Variants in GRIP1 observed in about 807,000 individuals in gnomAD.
The protein encoded by GRIP1 is glutamate receptor interacting protein 1.
GRIP1 carries 45 observed loss-of-function variants against 129.9 expected under a neutral mutation model. The ratio of observed to expected loss-of-function variants is 0.35; its 90% CI spans 0.27 to 0.44. GRIP1 has a LOEUF of 0.44. GRIP1 is among the 20% of genes least tolerant of loss of function. The pLI is 1.00. For synonymous variants in GRIP1, 530 were observed against 520.8 expected (o/e 1.02, Z -0.24); for missense variants, 1,196 against 1,396.8 (o/e 0.86, Z 2.29).
intron 1 of GRIP1, among the ~76,000 whole-genome samples, chr12:66,711,542 T>C (rs900148895): frequency 1.3e-5 from 2 of 151,822 alleles, no homozygotes; most frequent in African/African-American, 2.4e-5. Flanking sequence ...TGCTCTTAGA[T>C]ATTAAAAAGC....
chr12:66,455,928 T>A (rs928763284), intron 10 of GRIP1, among the ~76,000 whole-genome samples: 10 of 152,252 alleles, frequency 6.6e-5, no homozygotes, highest in Admixed American at 6.5e-5. Context: ...AAAGAAGACC[T>A]GAGAACATTG....
In GRIP1 at chr12:66,625,274, C is replaced by T. The variant is rs192433806; in HGVS notation, c.56-28347G>A. ...TATCATTTACATTATTGTCTTGCTT[C>T]CATTATGGATGGTATACATTATGTT... On this transcript the variant is annotated intron_variant, in intron 1 of 24. Transcript: ENST00000359742. Among the ~76,000 whole-genome samples the T allele has an allele frequency of 3.6e-3, 546 of 152,222 alleles. 1 individual carries two copies. Among genetic ancestry groups the T allele is most frequent in the Non-Finnish European group, 5.3e-3 (360 of 67,996 alleles).
chr12:66,688,452 T>C (rs2034859296), intron 1 of GRIP1, among the ~76,000 whole-genome samples: 1 of 152,168 alleles, frequency 6.6e-6, no homozygotes, highest in Admixed American at 6.5e-5. Flanking sequence ...TATTTGTGTG[T>C]ACACTGAAAA....
At chr12:66,523,616 A>G (rs2061105824) in intron 5 of GRIP1, among the ~76,000 whole-genome samples, 1 of 152,134 alleles carries the variant, frequency 6.6e-6, no homozygotes, top group South Asian at 2.1e-4. Context: ...AAGAAACTGC[A>G]TCAACTAACG....
At chr12:66,889,643 G>T (rs2040623991) in intron 1 of GRIP1, among the ~76,000 whole-genome samples, 1 of 152,144 alleles carries the variant, frequency 6.6e-6, no homozygotes. Context: ...ACAGCTAATT[G>T]ACTTCCAAAT....
At chr12:66,742,288 G>T (rs2036812213) in intron 1 of GRIP1, among the ~76,000 whole-genome samples, 1 of 152,098 alleles carries the variant, frequency 6.6e-6, no homozygotes, top group Non-Finnish European at 1.5e-5. Context: ...GGGATATTTT[G>T]TTACAAATGA....
At chr12:66,833,665 T>G (rs1264724252) in intron 1 of GRIP1, among the ~76,000 whole-genome samples, 2 of 152,206 alleles carry the variant, frequency 1.3e-5, no homozygotes, top group African/African-American at 4.8e-5. Context: ...TGAATTATTT[T>G]GATTGTTGTC....
At chr12:66,424,296 T>C (rs547197105) in intron 14 of GRIP1, among the ~76,000 whole-genome samples, 66 of 152,314 alleles carry the variant, frequency 4.3e-4, no homozygotes, top group African/African-American at 1.5e-3. Flanking sequence ...CTTACTATAT[T>C]ACTTTTTAAA....
Position 66,758,129 on chromosome 12 carries a change from T to C in GRIP1, c.-420+45924A>G, listed in dbSNP as rs567882627. On this transcript the variant is annotated intron_variant, in intron 1 of 4. Coordinates refer to the GRIP1 transcript ENST00000538373. ...TAGAAAGCAAGATGTATTAGTTCGT[T>C]TTCATGCTGGTGATAAAGACATACC... is the stretch of plus-strand genomic sequence containing the variant. 2.0e-5 allele frequency among the ~76,000 whole-genome samples: 3 copies of C among 152,308 alleles called. No individual in the cohort carries two copies. The South Asian group carries it at 6.2e-4, about 32-fold the overall frequency.
At chr12:66,811,621 ACTCT>A (rs1255100075) in intron 1 of GRIP1, among the ~76,000 whole-genome samples, 2 of 149,846 alleles carry the variant, frequency 1.3e-5, no homozygotes, top group Non-Finnish European at 3.0e-5. Flanking sequence ...TCTCTCTCTG[ACTCT>A]CTCCTCTCTT....
intron 1 of GRIP1, among the ~76,000 whole-genome samples, chr12:66,650,887 T>A (rs2032746157): frequency 6.6e-6 from 1 of 152,220 alleles, no homozygotes; most frequent in Non-Finnish European, 1.5e-5. Flanking sequence ...TCTAGCAGCA[T>A]AACCTTGGGC....
At chr12:66,570,049 A>T (rs1470080657) in intron 2 of GRIP1, among the ~76,000 whole-genome samples, 1 of 152,176 alleles carries the variant, frequency 6.6e-6, no homozygotes, top group African/African-American at 2.4e-5. Context: ...TATAAAATGC[A>T]TCCCAGTTCA....
chr12:66,814,928 C>T (rs1381638426), intron 1 of GRIP1, among the ~76,000 whole-genome samples: 1 of 152,074 alleles, frequency 6.6e-6, no homozygotes, highest in African/African-American at 2.4e-5. Context: ...TGTAAACTCA[C>T]TCACTATCAC....
At chr12:67,002,791 C>T (rs552039153) in intron 1 of GRIP1, among the ~76,000 whole-genome samples, 28 of 152,010 alleles carry the variant, frequency 1.8e-4, no homozygotes, top group African/African-American at 6.3e-4. Flanking sequence ...CTTTCCTTTG[C>T]TTTTAATATT....
chr12:66,409,288 G>A (rs1022837244), intron 15 of GRIP1, among the ~76,000 whole-genome samples: 42 of 152,192 alleles, frequency 2.8e-4, no homozygotes, highest in African/African-American at 1.0e-3. Context: ...AGGGGTGCTT[G>A]TGTCACCCCA....
intron 1 of GRIP1, among the ~76,000 whole-genome samples, chr12:66,834,255 C>G (rs1401209087): frequency 6.8e-6 from 1 of 146,930 alleles, no homozygotes; most frequent in Non-Finnish European, 1.5e-5. Context: ...GGTATTATAA[C>G]AAGTGATTAC....
At chr12:66,444,342 C>T (rs982406538) in intron 13 of GRIP1, among the ~76,000 whole-genome samples, 1 of 151,054 alleles carries the variant, frequency 6.6e-6, no homozygotes, top group African/African-American at 2.4e-5. Context: ...AAAAATTAGC[C>T]GGGCGCGGTG....
At chr12:66,578,076 G>A (rs1245218819) in intron 2 of GRIP1, among the ~76,000 whole-genome samples, 1 of 152,240 alleles carries the variant, frequency 6.6e-6, no homozygotes, top group Admixed American at 6.5e-5. Context: ...GAAACAGGAT[G>A]AGTGAAACTG....
At chr12:66,586,869 T>C (rs757340051) in intron 2 of GRIP1, among the ~76,000 whole-genome samples, 2 of 152,212 alleles carry the variant, frequency 1.3e-5, no homozygotes, top group African/African-American at 4.8e-5. Flanking sequence ...TTTCCACTTT[T>C]GTCTCCTTAA....
Sources: gnomAD v4.1 joint callset for allele counts (sites outside exome capture counted in the v4.1 genomes callset) on GRCh38, gnomAD v4.1.1 for gene constraint, MANE v1.5 for transcripts, NCBI Gene and HGNC (gene_info 2026-07-23, HGNC 2026-07-21) for gene names.